CSMD1: variants seen among roughly 807,000 people sequenced by gnomAD.
The protein encoded by CSMD1 is CUB and Sushi multiple domains 1, also known as CUB and sushi domain-containing protein 1.
A neutral mutation model predicts 417.5 loss-of-function variants in CSMD1; 213 were observed. The observed-to-expected ratio is 0.51, with a 90% confidence interval of 0.46 to 0.57. CSMD1 has a LOEUF of 0.57. CSMD1 is among the 20% of genes least tolerant of loss of function. The probability of loss-of-function intolerance (pLI) is 0.00; values close to 1 mark genes in which losing one functional copy is unlikely to be tolerated. For synonymous variants in CSMD1, 2,862 were observed against 1,736.8 expected (o/e 1.65, Z -16.11); for missense variants, 6,923 against 4,529.7 (o/e 1.53, Z -15.17).
chr8:4,199,979 T>C (rs1369685828), intron 3 of CSMD1, among the ~76,000 whole-genome samples: 11 of 152,170 alleles, frequency 7.2e-5, no homozygotes, highest in Non-Finnish European at 1.5e-5. Flanking sequence ...AAATAAATAA[T>C]GGTGACTATT....
At chr8:2,945,413 G>C (rs1802156802) in intron 68 of CSMD1, among the ~76,000 whole-genome samples, 1 of 152,130 alleles carries the variant, frequency 6.6e-6, no homozygotes, top group Non-Finnish European at 1.5e-5. Context: ...CATTTATTTA[G>C]CCAGTCTACT....
chr8:4,366,300 T>C (rs1802067193), intron 3 of CSMD1, among the ~76,000 whole-genome samples: 2 of 152,184 alleles, frequency 1.3e-5, no homozygotes, highest in South Asian at 4.1e-4. Context: ...ACTTTGCATA[T>C]GTACCACATT....
intron 5 of CSMD1, among the ~76,000 whole-genome samples, chr8:3,905,487 T>C (rs1368985456): frequency 3.9e-5 from 6 of 152,190 alleles, no homozygotes; most frequent in African/African-American, 1.4e-4. Context: ...CTTTCCTACG[T>C]GTGAAAGATC....
At chr8:2,941,928 AT>A in intron 69 of CSMD1, among the ~76,000 whole-genome samples, 1 of 152,290 alleles carries the variant, frequency 6.6e-6, no homozygotes, top group East Asian at 1.9e-4. Flanking sequence ...AGAATCCTTT[AT>A]TTCATCTTTC....
At chr8:4,783,936 T>C (rs2117201133) in intron 1 of CSMD1, among the ~76,000 whole-genome samples, 1 of 152,316 alleles carries the variant, frequency 6.6e-6, no homozygotes, top group South Asian at 2.1e-4. Context: ...TGGCTCAATA[T>C]AGAGTTAAAA....
At chr8:4,363,468 C>T (rs922951198) in intron 3 of CSMD1, among the ~76,000 whole-genome samples, 1 of 152,152 alleles carries the variant, frequency 6.6e-6, no homozygotes, top group East Asian at 1.9e-4. Flanking sequence ...CTATCTTCCC[C>T]ACCACCCCCT....
At chr8:4,054,758 G>A (rs888132302) in intron 3 of CSMD1, among the ~76,000 whole-genome samples, 1 of 152,070 alleles carries the variant, frequency 6.6e-6, no homozygotes, top group Admixed American at 6.6e-5. Flanking sequence ...ATTCTCTGGG[G>A]GTTGATGATG....
At position 3,595,845 on chromosome 8, in the gene CSMD1, T is replaced by C. The variant is rs577135840; in HGVS notation, c.1098-9585A>G. On this transcript the variant is annotated intron_variant, in intron 8 of 69. Transcript: ENST00000635120. Reference sequence around the variant, plus strand: ...CTATCTATACAAAGGCAAAAGCTGTTTGCACACTGTGTGAACGTGGAAGAG... The same window carrying C: ...CTATCTATACAAAGGCAAAAGCTGTCTGCACACTGTGTGAACGTGGAAGAG... Among the ~76,000 whole-genome samples, 112 of 152,318 alleles carry C rather than the reference T, an allele frequency of 7.4e-4. 1 individual carries two copies. Among genetic ancestry groups the C allele is most frequent in the Admixed American group, 3.1e-3 (47 of 15,298 alleles).
intron 1 of CSMD1, among the ~76,000 whole-genome samples, chr8:4,835,854 G>A (rs761330394): frequency 1.2e-4 from 18 of 151,390 alleles, no homozygotes; most frequent in Non-Finnish European, 2.4e-4. Context: ...CAACTACTAT[G>A]GTCACTAAGT....
chr8:3,966,024 A>C (rs552538421), intron 5 of CSMD1, among the ~76,000 whole-genome samples: 1 of 152,346 alleles, frequency 6.6e-6, no homozygotes, highest in South Asian at 2.1e-4. Flanking sequence ...TTTAGAAAGA[A>C]GCAGAAGACA....
In CSMD1 at chr8:3,850,590, G is replaced by T. The variant is rs563591030; in HGVS notation, c.819-96548C>A. On this transcript the variant is annotated intron_variant, in intron 5 of 69. Transcript: ENST00000635120. ...CTCACCTGTTTTCCCAGCTACTTAG[G>T]AAGCTGAGGCAGGAGAATAACTTGA... Among the ~76,000 whole-genome samples, 14 of 152,254 alleles carry T rather than the reference G, an allele frequency of 9.2e-5. No homozygotes were observed. In the South Asian group the frequency reaches 2.7e-3, roughly 29 times the overall value.
At chr8:4,585,196 A>G (rs1294004812) in intron 2 of CSMD1, among the ~76,000 whole-genome samples, 5 of 152,170 alleles carry the variant, frequency 3.3e-5, no homozygotes, top group Non-Finnish European at 7.3e-5. Context: ...AATATGTTCA[A>G]AGAAATAAAG....
chr8:3,417,383 G>T (rs556133978), intron 12 of CSMD1, among the ~76,000 whole-genome samples: 1 of 152,152 alleles, frequency 6.6e-6, no homozygotes, highest in Non-Finnish European at 1.5e-5. Context: ...CAAAATAGCA[G>T]ACCAAAACTC....
At chr8:4,662,646 C>T (rs942231646) in intron 1 of CSMD1, among the ~76,000 whole-genome samples, 1 of 152,152 alleles carries the variant, frequency 6.6e-6, no homozygotes, top group Non-Finnish European at 1.5e-5. Context: ...ATATAAAACC[C>T]CTTTCAGCCG....
At chr8:4,088,689 C>A (rs112100154) in intron 3 of CSMD1, among the ~76,000 whole-genome samples, 1 of 152,094 alleles carries the variant, frequency 6.6e-6, no homozygotes, top group African/African-American at 2.4e-5. Flanking sequence ...TTCCTCAGTT[C>A]ATTGCAATCA....
chr8:4,216,265 C>T (rs775198143), intron 3 of CSMD1, among the ~76,000 whole-genome samples: 3 of 152,040 alleles, frequency 2.0e-5, no homozygotes, highest in African/African-American at 7.2e-5. Flanking sequence ...TTTCACTCTA[C>T]GAGACCTGAC....
chr8:3,980,688 T>A (rs1471577953), intron 5 of CSMD1, among the ~76,000 whole-genome samples: 1 of 152,192 alleles, frequency 6.6e-6, no homozygotes, highest in African/African-American at 2.4e-5. Flanking sequence ...ATTGAGAATC[T>A]GGAGAATTTA....
Position 3,493,664 on chromosome 8 carries a change from A to T in CSMD1, c.1407T>A (p.Gly469=). Residue 469 remains glycine (G), a synonymous_variant, in exon 11 of 70, where the codon GGT becomes GGA. Transcript: ENST00000635120. ...LERGYDTLTV[G]DAGKVGDTRS... is the part of the protein sequence containing the mutation. Reference sequence around the variant, plus strand: ...TGGTGTCTCCCACCTTCCCAGCATCACCAACCGTCAGGGTGTCATAGCCTC... The same window carrying T: ...TGGTGTCTCCCACCTTCCCAGCATCTCCAACCGTCAGGGTGTCATAGCCTC... 6.2e-7 allele frequency: 1 copy of T among 1,612,328 alleles called. No individual in the cohort carries two copies. Among genetic ancestry groups the T allele is most frequent in the Middle Eastern group, 1.6e-4 (1 of 6,062 alleles).
At chr8:4,267,214 A>C (rs1585126342) in intron 3 of CSMD1, among the ~76,000 whole-genome samples, 1 of 104,624 alleles carries the variant, frequency 9.6e-6, no homozygotes, top group African/African-American at 2.6e-5. Context: ...GAATCCATTA[A>C]CAACAGTTAT....
Sources: allele counts gnomAD v4.1 joint callset (sites outside exome capture counted in the v4.1 genomes callset), GRCh38; gene constraint gnomAD v4.1.1; transcripts MANE v1.5; gene names NCBI Gene and HGNC (gene_info 2026-07-23, HGNC 2026-07-21).